The following TATDN1 variants were observed in gnomAD, a reference collection of about 807,000 sequenced individuals.
TATDN1 encodes the protein deoxyribonuclease TATDN1.
TATDN1 carries 40 observed loss-of-function variants against 46.4 expected under a neutral mutation model. That is an observed-to-expected ratio of 0.86 (90% CI 0.67 to 1.12). The LOEUF is 1.12. Ranked by LOEUF, TATDN1 falls within the 50% of genes most tolerant of loss-of-function variation. TATDN1 has a pLI of 0.00. For synonymous variants in TATDN1, 95 were observed against 105.6 expected (o/e 0.90, Z 0.62); for missense variants, 326 against 348.4 (o/e 0.94, Z 0.51).
intron 11 of TATDN1, chr8:124,489,696 G>C (rs1360027867): frequency 1.3e-5 from 2 of 152,302 alleles, no homozygotes; most frequent in African/African-American, 2.4e-5. Context: ...TTACAGGTGT[G>C]AGCCACCGCG....
chr8:124,505,108 G>A (rs1163838106), intron 8 of TATDN1, among the ~76,000 whole-genome samples: 1 of 151,332 alleles, frequency 6.6e-6, no homozygotes, highest in Non-Finnish European at 1.5e-5. Context: ...GGCTGGGCCA[G>A]GCGCAATGGC....
At chr8:124,508,749 A>G in intron 6 of TATDN1, 61 bp from the exon 7 acceptor site, 1 of 1,077,266 alleles carries the variant, frequency 9.3e-7, no homozygotes. Context: ...GAGGAAGGTA[A>G]TGATGTCAAA....
intron 3 of TATDN1, among the ~76,000 whole-genome samples, chr8:124,519,674 TG>T (rs1163274903): frequency 1.3e-5 from 2 of 152,092 alleles, no homozygotes; most frequent in Non-Finnish European, 2.9e-5. Context: ...ATAAAGAATG[TG>T]AAGTGGTTTT....
At chr8:124,525,227 C>A (rs903370891) in intron 1 of TATDN1, among the ~76,000 whole-genome samples, 2 of 152,104 alleles carry the variant, frequency 1.3e-5, no homozygotes, top group Admixed American at 6.6e-5. Flanking sequence ...CTCACTGCAA[C>A]CTCCACCTCC....
chr8:124,529,548 G>A (rs1245733375), intron 1 of TATDN1, among the ~76,000 whole-genome samples: 2 of 152,174 alleles, frequency 1.3e-5, no homozygotes, highest in African/African-American at 2.4e-5. Flanking sequence ...CAGACCTTAT[G>A]CCACATACAA....
intron 9 of TATDN1, among the ~76,000 whole-genome samples, chr8:124,502,150 C>G (rs1818020645): frequency 6.6e-6 from 1 of 152,018 alleles, no homozygotes; most frequent in African/African-American, 2.4e-5. Context: ...CCGGCTAACA[C>G]AGTGAATCCC....
In TATDN1 at chr8:124,531,163, A is replaced by T. The variant is rs139991003; in HGVS notation, c.22+7862T>A. Among the ~76,000 whole-genome samples the T allele has an allele frequency of 1.4e-4, 21 of 152,302 alleles. No individual in the cohort carries two copies. In the East Asian group the frequency reaches 4.1e-3, roughly 29 times the overall value. On this transcript the variant is annotated intron_variant, in intron 1 of 11. Coordinates refer to ENST00000276692, the MANE Select transcript of TATDN1 (RefSeq NM_032026.4). The stretch of plus-strand genomic sequence containing the variant: ...ACAACTTGCAGTGACTGATCTTTAT[A>T]GCTTTAACAAGCCCCTGGCAATAAG...
rs1249647149 is a variant in TATDN1 at position 124,534,141 on chromosome 8, G to A, written c.22+4884C>T. Among the ~76,000 whole-genome samples the A allele has an allele frequency of 2.9e-4, 17 of 58,704 alleles. No individual in the cohort carries two copies. The Admixed American group carries it at 3.4e-3, about 12-fold the overall frequency. 38.5% of individuals were successfully genotyped at this position (58,704 alleles called of 152,430 possible). A position where few individuals can be genotyped will look rare whatever the true frequency, so the allele number is the denominator to read the frequency against. On this transcript the variant is annotated intron_variant, in intron 1 of 11. Transcript: ENST00000276692. Reference sequence around the variant, plus strand: ...AGCCTGGGCAACAGAGCGAGACTCCGTCTCAAAAAAAAAAAAAAAAAAAAA... The same window carrying A: ...AGCCTGGGCAACAGAGCGAGACTCCATCTCAAAAAAAAAAAAAAAAAAAAA...
chr8:124,533,231 G>A (rs1433298788), intron 1 of TATDN1, among the ~76,000 whole-genome samples: 9 of 150,428 alleles, frequency 6.0e-5, no homozygotes, highest in South Asian at 2.1e-4. Context: ...CAGCCTGGGC[G>A]ACAGAGTGAG....
At chr8:124,527,928 T>C (rs1034158019) in intron 1 of TATDN1, among the ~76,000 whole-genome samples, 2 of 151,922 alleles carry the variant, frequency 1.3e-5, no homozygotes, top group African/African-American at 4.8e-5. Flanking sequence ...AAAATTAACT[T>C]GCCTGTAAGT....
intron 6 of TATDN1, among the ~76,000 whole-genome samples, chr8:124,511,578 C>T (rs559901326): frequency 6.6e-6 from 1 of 152,190 alleles, no homozygotes; most frequent in South Asian, 2.1e-4. Flanking sequence ...ATTGAAAATA[C>T]AGGGTATGGC....
chr8:124,504,731 T>G (rs1266749380), intron 8 of TATDN1: 1 of 154,186 alleles, frequency 6.5e-6, no homozygotes, highest in Non-Finnish European at 1.4e-5. Flanking sequence ...ACTGATGAAT[T>G]TTCTGTTAGA....
At chr8:124,516,240 G>C (rs1429983361) in intron 4 of TATDN1, among the ~76,000 whole-genome samples, 1 of 151,874 alleles carries the variant, frequency 6.6e-6, no homozygotes, top group African/African-American at 2.4e-5. Context: ...TTGCTTTAAT[G>C]TATTAATAAA....
intron 1 of TATDN1, among the ~76,000 whole-genome samples, chr8:124,531,437 G>C (rs1005190771): frequency 6.6e-6 from 1 of 152,190 alleles, no homozygotes; most frequent in African/African-American, 2.4e-5. Context: ...TAGGCACAGT[G>C]AAAGTGCTGT....
At chr8:124,489,403 C>CTTTTTTTTTTTTTTTTT (rs11443180) in intron 11 of TATDN1, 1 of 146,752 alleles carries the variant, frequency 6.8e-6, no homozygotes, top group Non-Finnish European at 1.5e-5. Flanking sequence ...TCTTTCCTTT[C>CTTTTTTTTTTTTTTTTT]TTTTTTTTTT....
In TATDN1 at chr8:124,493,890, T is replaced by C. The variant is rs1173545327; in HGVS notation, c.734A>G (p.Lys245Arg). 6.2e-7 allele frequency: 1 copy of C among 1,612,372 alleles called. No individual in the cohort carries two copies. Among genetic ancestry groups the C allele is most frequent in the South Asian group, 1.1e-5 (1 of 90,954 alleles). ...GCAGTGCCCACTTTCCCACTTCTTT[T>C]TGGTAGGAAATGCAGTTCTTATATA... is the stretch of plus-strand genomic sequence containing the variant. ...SKYIRTAFPT[K>R]KKWESGHCLK... The change falls in exon 11 of 12, where the codon AAA (lysine) becomes AGA (arginine). Residue 245 changes from lysine (K) to arginine (R), a missense_variant. By Grantham distance (26) the Lys-to-Arg change is conservative (BLOSUM62 2). Coordinates refer to ENST00000276692, the MANE Select transcript of TATDN1 (RefSeq NM_032026.4).
At chr8:124,495,168 T>C (rs2131350470) in intron 10 of TATDN1, 1 of 358,670 alleles carries the variant, frequency 2.8e-6, no homozygotes, top group East Asian at 6.7e-5. Context: ...CTTGGAAGTG[T>C]GATGTGCTTA....
At chr8:124,509,864 C>A (rs1028429679) in intron 6 of TATDN1, among the ~76,000 whole-genome samples, 4 of 151,972 alleles carry the variant, frequency 2.6e-5, no homozygotes, top group Non-Finnish European at 5.9e-5. Flanking sequence ...CATGGTGAAA[C>A]CTCGTCTCTA....
intron 9 of TATDN1, 25 bp downstream of exon 9, chr8:124,504,246 A>C (rs777471625): frequency 6.5e-7 from 1 of 1,547,994 alleles, no homozygotes; most frequent in Non-Finnish European, 8.7e-7. Context: ...TAAAAGTTAA[A>C]AACCAAAGCA....
Sources: gnomAD v4.1 joint callset for allele counts (sites outside exome capture counted in the v4.1 genomes callset) on GRCh38, gnomAD v4.1.1 for gene constraint, MANE v1.5 for transcripts, NCBI Gene and HGNC (gene_info 2026-07-23, HGNC 2026-07-21) for gene names.